Variants in IL17RE observed in about 807,000 individuals in gnomAD.
The protein encoded by IL17RE is interleukin-17 receptor E.
A neutral mutation model predicts 70.7 loss-of-function variants in IL17RE; 47 were observed. The ratio of observed to expected loss-of-function variants is 0.67; its 90% CI spans 0.53 to 0.85. The LOEUF is 0.85. IL17RE is among the 40% of genes least tolerant of loss of function. The probability of loss-of-function intolerance (pLI) is 0.00; values close to 1 mark genes in which losing one functional copy is unlikely to be tolerated. For missense variants in IL17RE, 850 were observed against 893.9 expected (o/e 0.95, Z 0.63); for synonymous variants, 372 against 381.2 (o/e 0.98, Z 0.28).
intron 15 of IL17RE, 121 bp downstream of exon 15, chr3:9,914,898 A>G: frequency 1.2e-6 from 1 of 848,186 alleles, no homozygotes; most frequent in East Asian, 2.6e-5. Context: ...CCAGGCAGGG[A>G]GCCTCAGGCC....
At position 9,903,194 on chromosome 3, in the gene IL17RE, T is replaced by G; in HGVS notation, c.132+130T>G. The G allele has an allele frequency of 3.0e-6, 3 of 995,790 alleles. No individual in the cohort carries two copies. In the Admixed American group the frequency reaches 6.4e-5, roughly 21 times the overall value. 61.7% of individuals were successfully genotyped at this position (995,790 alleles called of 1,614,324 possible). A position where few individuals can be genotyped will look rare whatever the true frequency, so the allele number is the denominator to read the frequency against. ...CAGCTTTGATGTGTCCTCTACCTAG[T>G]CTCAAAGGGGTAGCCAAGGTCCTTT... On this transcript the variant is annotated intron_variant, in intron 1 of 15. Transcript: ENST00000383814.
At chr3:9,909,079 C>G (rs2082827200) in intron 7 of IL17RE, 138 bp from the exon 8 acceptor site, 2 of 664,796 alleles carry the variant, frequency 3.0e-6, no homozygotes, top group African/African-American at 3.6e-5. Flanking sequence ...CCCCACATTG[C>G]CCCCTCCTGC....
chr3:9,905,108 A>AAG, intron 3 of IL17RE, among the ~76,000 whole-genome samples: 1 of 150,752 alleles, frequency 6.6e-6, no homozygotes, highest in Non-Finnish European at 1.5e-5. Context: ...AAAAAAAAAA[A>AAG]AAAAAAAAAA....
Position 9,907,012 on chromosome 3 carries a change from C to T in IL17RE, c.578C>T (p.Thr193Ile). Residue 193 changes from threonine to isoleucine, a missense_variant, in exon 6 of 16, where the codon ACC (threonine) becomes ATC (isoleucine). Thr to Ile is a moderately conservative substitution (Grantham distance 89, BLOSUM62 -1). Coordinates refer to ENST00000383814, the MANE Select transcript of IL17RE (RefSeq NM_153480.2). ...LLPEARAIRV[T>I]ISSGPEVSVR... Reference sequence around the variant, plus strand: ...CCTGAGGCCCGGGCTATTCGGGTGACCATATCTTCAGGCCCTGAGGTCAGC... The same window carrying T: ...CCTGAGGCCCGGGCTATTCGGGTGATCATATCTTCAGGCCCTGAGGTCAGC... 1 of 1,614,158 alleles carries T rather than the reference C, an allele frequency of 6.2e-7. No individual in the cohort carries two copies. The highest frequency in any genetic ancestry group is 1.1e-5 in the South Asian group (1 of 91,078).
chr3:9,911,725 TTA>T, intron 12 of IL17RE, 128 bp downstream of exon 12: 1 of 888,010 alleles, frequency 1.1e-6, no homozygotes, highest in Non-Finnish European at 1.7e-6. Flanking sequence ...CTGGTTTACT[TTA>T]TTTACGTGAT....
At chr3:9,907,232 G>A in intron 6 of IL17RE, 132 bp downstream of exon 6, 1 of 1,200,408 alleles carries the variant, frequency 8.3e-7, no homozygotes, top group Non-Finnish European at 1.2e-6. Context: ...ACAAGCTGAA[G>A]GGTCTATCAT....
chr3:9,908,046 C>T (rs1206907954), intron 6 of IL17RE, among the ~76,000 whole-genome samples, 193 bp from the exon 7 acceptor site: 1 of 152,194 alleles, frequency 6.6e-6, no homozygotes, highest in Non-Finnish European at 1.5e-5. Context: ...CCCAACTCCA[C>T]CTAGAGCACC....
intron 8 of IL17RE, 158 bp downstream of exon 8, chr3:9,909,441 T>TG (rs1491460859): frequency 3.6e-5 from 25 of 689,358 alleles, no homozygotes; most frequent in Middle Eastern, 2.8e-4. Flanking sequence ...CTGGAGTCAG[T>TG]GGGGGGAAAA....
Position 9,904,089 on chromosome 3 carries a change from G to T in IL17RE, c.206G>T (p.Trp69Leu). Residue 69 changes from tryptophan to leucine, a missense_variant, in exon 3 of 16, where the codon TGG becomes TTG. Coordinates refer to ENST00000383814, the MANE Select transcript of IL17RE (RefSeq NM_153480.2). ...TWWALFSTKPWCVRVWHCSRC... is the reference protein window; with the variant it reads ...TWWALFSTKPLCVRVWHCSRC... ...TGGGCCCTCTTCTCCACAAAGCCTT[G>T]GTGTGTGCGAGTCTGGCACTGTTCC... 6.2e-7 allele frequency: 1 copy of T among 1,614,156 alleles called. No homozygotes were observed. Among genetic ancestry groups the T allele is most frequent in the Non-Finnish European group, 8.5e-7 (1 of 1,180,036 alleles).
At chr3:9,906,321 G>C in intron 3 of IL17RE, 43 bp from the exon 4 acceptor site, 1 of 1,118,288 alleles carries the variant, frequency 8.9e-7, no homozygotes, top group Non-Finnish European at 1.4e-6. Flanking sequence ...GGCAGGGGAG[G>C]GGGTAATGAG....
In IL17RE at chr3:9,906,468, T is replaced by G. The variant is rs770772993; in HGVS notation, c.366+7T>G. On this transcript the variant is annotated splice_region_variant and intron_variant, in intron 4 of 15. Coordinates refer to ENST00000383814, the MANE Select transcript of IL17RE (RefSeq NM_153480.2). ...GATGCCAGCACCTGCTCAGGTACTC[T>G]CCCTGTCAGTTCCAGCCCTACCTGA... 6.3e-7 allele frequency: 1 copy of G among 1,594,250 alleles called. No homozygotes were observed. Among genetic ancestry groups the G allele is most frequent in the Non-Finnish European group, 8.6e-7 (1 of 1,162,268 alleles).
chr3:9,916,208 TC>T lies in IL17RE; in HGVS notation c.*403del, dbSNP rs2083065072. 1 of 162,388 alleles carries T rather than the reference TC, an allele frequency of 6.2e-6. No homozygotes were observed. Among genetic ancestry groups the T allele is most frequent in the African/African-American group, 2.4e-5 (1 of 41,782 alleles). The allele number at this position is 162,388 out of a possible 1,614,324, so 10.1% of individuals were successfully genotyped here. ...TGCAGGGGGCGGCTGAGAGAAAACC[TC>T]CTTGGGGGCCAGGGATTCCCTTTCC... On this transcript the variant is annotated 3_prime_UTR_variant, in exon 16 of 16. Transcript: ENST00000383814.
intron 8 of IL17RE, 75 bp from the exon 9 acceptor site, chr3:9,910,790 G>T (rs961939034): frequency 2.1e-5 from 28 of 1,348,322 alleles, no homozygotes; most frequent in Non-Finnish European, 2.7e-5. Flanking sequence ...ATCTCCAGCT[G>T]CCCCCAGGAT....
chr3:9,907,257 G>A (rs1438645121), intron 6 of IL17RE, among the ~76,000 whole-genome samples, 157 bp downstream of exon 6: 2 of 152,116 alleles, frequency 1.3e-5, no homozygotes, highest in Non-Finnish European at 2.9e-5. Context: ...ACTTCTTTGG[G>A]CGTGGCATGG....
intron 3 of IL17RE, among the ~76,000 whole-genome samples, chr3:9,904,475 T>C (rs565979899): frequency 6.6e-6 from 1 of 152,322 alleles, no homozygotes; most frequent in African/African-American, 2.4e-5. Context: ...TAAATGCCCT[T>C]ACATTGCTTA....
intron 3 of IL17RE, 80 bp from the exon 4 acceptor site, chr3:9,906,284 A>G: frequency 1.7e-6 from 1 of 594,274 alleles, no homozygotes; most frequent in Non-Finnish European, 2.9e-6. Flanking sequence ...AAATAAAATT[A>G]CTTACTAACA....
intron 3 of IL17RE, among the ~76,000 whole-genome samples, 161 bp from the exon 4 acceptor site, chr3:9,906,203 C>T (rs771017916): frequency 5.9e-5 from 9 of 152,134 alleles, no homozygotes; most frequent in Admixed American, 2.0e-4. Context: ...GAGCCGAGAT[C>T]GCGCCATTGC....
chr3:9,907,182 T>C (rs768852982), intron 6 of IL17RE, 82 bp downstream of exon 6: 13 of 1,555,334 alleles, frequency 8.4e-6, no homozygotes, highest in Non-Finnish European at 1.1e-5. Flanking sequence ...ATGAGGAAAC[T>C]GAGGCCCAGA....
At chr3:9,911,799 CTTTTTTTCTT>C (rs1266954481) in intron 12 of IL17RE, 4 of 478,016 alleles carry the variant, frequency 8.4e-6, no homozygotes, top group African/African-American at 8.1e-5. Flanking sequence ...TCTTTTTTTT[CTTTTTTTCTT>C]TTTTTTTTTT....
Sources: allele counts gnomAD v4.1 joint callset (sites outside exome capture counted in the v4.1 genomes callset), GRCh38; gene constraint gnomAD v4.1.1; transcripts MANE v1.5; gene names NCBI Gene and HGNC (gene_info 2026-07-23, HGNC 2026-07-21).